ELF2: variants seen among roughly 807,000 people sequenced by gnomAD.
The protein encoded by ELF2 is ETS-related transcription factor Elf-2.
ELF2 carries 11 observed loss-of-function variants against 54.8 expected under a neutral mutation model. That is an observed-to-expected ratio of 0.20 (90% CI 0.13 to 0.33). The LOEUF is 0.33. ELF2 is among the 10% of genes least tolerant of loss of function. ELF2 has a pLI of 1.00. For missense variants in ELF2, 513 were observed against 703.0 expected, an observed-to-expected ratio of 0.73 and a Z score of 3.06; for synonymous variants, 203 against 245.1, an observed-to-expected ratio of 0.83 and a Z score of 1.61.
At chr4:139,064,462 A>T (rs1266343648) in intron 7 of ELF2, among the ~76,000 whole-genome samples, 2 of 152,148 alleles carry the variant, frequency 1.3e-5, no homozygotes, top group Non-Finnish European at 1.5e-5. Context: ...CTACCCCAAC[A>T]CCTTCAGTCA....
intron 3 of ELF2, among the ~76,000 whole-genome samples, chr4:139,129,344 C>T (rs569119659): frequency 6.6e-6 from 1 of 152,228 alleles, no homozygotes; most frequent in South Asian, 2.1e-4. Context: ...TTCTTTTTGC[C>T]CTATACTACC....
At chr4:139,156,597 GAT>G (rs111249661) in intron 1 of ELF2, among the ~76,000 whole-genome samples, 113 of 149,968 alleles carry the variant, frequency 7.5e-4, no homozygotes, top group East Asian at 2.7e-3. Flanking sequence ...TTCATTCATA[GAT>G]ATATATATAT....
chr4:139,104,922 C>T (rs1441782587), intron 4 of ELF2, among the ~76,000 whole-genome samples: 1 of 152,140 alleles, frequency 6.6e-6, no homozygotes, highest in Non-Finnish European at 1.5e-5. Context: ...ACCCTATCTA[C>T]TCTATAATAC....
Position 139,142,783 on chromosome 4 carries a change from G to A in ELF2, c.-251-3286C>T, listed in dbSNP as rs115387625. On this transcript the variant is annotated intron_variant, in intron 1 of 9. Transcript: ENST00000686138. ...GCACACCCCTTTGTCCCAGCTACTCGGGACGCTGGGCAGGTTGAAGCTGCA... is the reference window on the plus strand; with the variant it reads ...GCACACCCCTTTGTCCCAGCTACTCAGGACGCTGGGCAGGTTGAAGCTGCA... Among the ~76,000 whole-genome samples, 165 of 151,976 alleles carry A rather than the reference G, an allele frequency of 1.1e-3. 1 individual carries two copies. The highest frequency in any genetic ancestry group is 3.8e-3 in the African/African-American group (159 of 41,406).
At chr4:139,121,396 C>A (rs1736340033) in intron 4 of ELF2, among the ~76,000 whole-genome samples, 1 of 151,942 alleles carries the variant, frequency 6.6e-6, no homozygotes, top group African/African-American at 2.4e-5. Context: ...GTGTGAACCA[C>A]CATGCCCAGC....
intron 1 of ELF2, among the ~76,000 whole-genome samples, chr4:139,164,137 A>C (rs1031011206): frequency 5.4e-5 from 8 of 147,640 alleles, no homozygotes; most frequent in African/African-American, 2.0e-4. Context: ...AGAAAGAGAA[A>C]GAAGAGAGAG....
At chr4:139,077,750 G>A (rs1162434394) in intron 4 of ELF2, among the ~76,000 whole-genome samples, 1 of 152,092 alleles carries the variant, frequency 6.6e-6, no homozygotes. Context: ...TAACAGTGTT[G>A]TGCAATCAAA....
At chr4:139,155,654 T>C (rs1387347860) in intron 1 of ELF2, among the ~76,000 whole-genome samples, 1 of 152,160 alleles carries the variant, frequency 6.6e-6, no homozygotes, top group East Asian at 1.9e-4. Flanking sequence ...ATGAAAAATT[T>C]AGATGTCATT....
intron 1 of ELF2, among the ~76,000 whole-genome samples, chr4:139,142,100 A>C (rs912349724): frequency 3.3e-5 from 5 of 152,192 alleles, no homozygotes; most frequent in African/African-American, 1.2e-4. Flanking sequence ...AGGAGAGAGA[A>C]AAAAATAAAA....
intron 4 of ELF2, among the ~76,000 whole-genome samples, chr4:139,114,597 A>ACACAC (rs1370544863): frequency 8.9e-5 from 13 of 145,792 alleles, no homozygotes; most frequent in East Asian, 4.1e-4. Flanking sequence ...ACACACACAC[A>ACACAC]ATTTAGGAGC....
chr4:139,084,441 C>CGGT, intron 4 of ELF2: 1 of 1,062,780 alleles, frequency 9.4e-7, no homozygotes, highest in Non-Finnish European at 1.2e-6. Flanking sequence ...GGGGCAGGGG[C>CGGT]GGCGGCGGCG....
chr4:139,108,206 GCA>G (rs1734611631), intron 4 of ELF2, among the ~76,000 whole-genome samples: 1 of 152,124 alleles, frequency 6.6e-6, no homozygotes, highest in Non-Finnish European at 1.5e-5. Context: ...TTCATGCCAG[GCA>G]CCATGCTTAA....
chr4:139,128,553 GCT>G (rs1737177325), intron 3 of ELF2, among the ~76,000 whole-genome samples: 1 of 148,480 alleles, frequency 6.7e-6, no homozygotes, highest in Admixed American at 6.7e-5. Flanking sequence ...ACAGGGTCTA[GCT>G]CTGTCGCCCA....
intron 4 of ELF2, among the ~76,000 whole-genome samples, chr4:139,085,443 G>A (rs967978178): frequency 6.6e-6 from 1 of 152,146 alleles, no homozygotes; most frequent in African/African-American, 2.4e-5. Context: ...TTTATGATCC[G>A]AATTGACTGA....
chr4:139,065,854 T>TA, intron 7 of ELF2, among the ~76,000 whole-genome samples: 2 of 152,282 alleles, frequency 1.3e-5, no homozygotes, highest in East Asian at 3.9e-4. Flanking sequence ...TTCTAATACA[T>TA]ACTATGTTAA....
chr4:139,114,800 G>T, intron 4 of ELF2: 1 of 1,509,992 alleles, frequency 6.6e-7, no homozygotes, highest in Non-Finnish European at 9.0e-7. Flanking sequence ...AGACCCCTGG[G>T]CCAGGGGCAC....
intron 7 of ELF2, among the ~76,000 whole-genome samples, chr4:139,062,571 T>G (rs1728041876): frequency 6.6e-6 from 1 of 152,250 alleles, no homozygotes; most frequent in Admixed American, 6.5e-5. Context: ...CACACTATCC[T>G]AGATTTTGAG....
intron 4 of ELF2, among the ~76,000 whole-genome samples, chr4:139,107,477 TATC>T (rs1455373249): frequency 2.6e-5 from 4 of 152,202 alleles, no homozygotes; most frequent in African/African-American, 7.2e-5. Flanking sequence ...TGTATCAAAA[TATC>T]ATACGTACCC....
At position 139,060,612 on chromosome 4, in the gene ELF2, T is replaced by C. The variant is rs953005204; in HGVS notation, c.869A>G (p.Lys290Arg). Residue 290 changes from lysine to arginine, a missense_variant, in exon 9 of 10, where the codon AAG becomes AGG. Lys to Arg is a conservative substitution (Grantham distance 26). This residue lies in a region of ELF2 where 291 missense variants were observed against 366.1 expected (regional missense o/e 0.79). Transcript: ENST00000686138. ...GACCACTATGTTTTTCGGCATATCC[T>C]TGAACTGATATACAAGCCTCTGTCC... ...VEGQRLVYQFKDMPKNIVVID... is the reference protein window; with the variant it reads ...VEGQRLVYQFRDMPKNIVVID... 2 of 1,613,318 alleles carry C rather than the reference T, an allele frequency of 1.2e-6. No homozygotes were observed. The highest frequency in any genetic ancestry group is 2.2e-5 in the East Asian group (1 of 44,902).
Sources: gnomAD v4.1 joint callset for allele counts (sites outside exome capture counted in the v4.1 genomes callset) on GRCh38, gnomAD v4.1.1 for gene constraint, gnomAD v4.1.1 regional missense constraint, MANE v1.5 for transcripts, NCBI Gene and HGNC (gene_info 2026-07-23, HGNC 2026-07-21) for gene names.